Variants in ATXN2 observed in about 807,000 individuals in gnomAD.
The protein encoded by ATXN2 is ataxin 2, also known as ataxin-2.
Under a neutral mutation model 138.6 loss-of-function variants are expected in ATXN2, and 37 were observed. The observed-to-expected ratio is 0.27, with a 90% confidence interval of 0.21 to 0.35. The LOEUF is 0.35. Among genes scored for constraint, ATXN2 ranks in the 10% least tolerant of loss-of-function variants. The probability of loss-of-function intolerance (pLI) is 1.00; values close to 1 mark genes in which losing one functional copy is unlikely to be tolerated. For missense variants in ATXN2, 1,216 were observed against 1,480.3 expected (o/e 0.82, Z 2.93); for synonymous variants, 549 against 543.7 (o/e 1.01, Z -0.13).
Position 111,453,199 on chromosome 12 carries a change from A to G in ATXN2, c.3440-359T>C. On this transcript the variant is annotated intron_variant, in intron 24 of 24. Transcript: ENST00000673436. This position sits in a 1 kb window ranked among gnomAD's most constrained non-coding sequence, Gnocchi z 5.4. ...TGGCAGCCATCAAGTAGTAGAGCAC[A>G]ATCACAGGGCGCTCTCCCCTGTTCA... 1 of 1,104,132 alleles carries G rather than the reference A, an allele frequency of 9.1e-7. No homozygotes were observed. Among genetic ancestry groups the G allele is most frequent in the Non-Finnish European group, 1.1e-6 (1 of 905,556 alleles). The allele number at this position is 1,104,132 out of a possible 1,614,324, so 68.4% of individuals were successfully genotyped here. A position where few individuals can be genotyped will look rare whatever the true frequency, so the allele number is the denominator to read the frequency against.
At chr12:111,490,046 T>TA (rs149496582) in intron 14 of ATXN2, among the ~76,000 whole-genome samples, 29,711 of 142,896 alleles carry the variant, frequency 0.21, 3,010 homozygotes, top group East Asian at 0.33. Context: ...CTACTAAAGA[T>TA]AAAAAAAAAA....
intron 18 of ATXN2, among the ~76,000 whole-genome samples, chr12:111,475,408 A>T (rs1443442963): frequency 2.0e-5 from 3 of 150,696 alleles, no homozygotes; most frequent in Non-Finnish European, 3.0e-5. Context: ...ACTTCAACAT[A>T]TAAACAAATC....
intron 18 of ATXN2, among the ~76,000 whole-genome samples, chr12:111,478,078 G>C (rs1876949234): frequency 6.6e-6 from 1 of 151,818 alleles, no homozygotes; most frequent in Non-Finnish European, 1.5e-5. Context: ...TTACAGGCGT[G>C]AGCCAGTGCA....
At chr12:111,495,566 A>G (rs747697115) in intron 14 of ATXN2, among the ~76,000 whole-genome samples, 9 of 152,202 alleles carry the variant, frequency 5.9e-5, no homozygotes, top group Non-Finnish European at 1.3e-4. Flanking sequence ...TACATATGCA[A>G]CCAATACTGG....
intron 18 of ATXN2, among the ~76,000 whole-genome samples, chr12:111,473,243 C>T (rs1876542346): frequency 2.0e-5 from 3 of 150,604 alleles, no homozygotes; most frequent in Non-Finnish European, 2.9e-5. Context: ...CACTGCACTC[C>T]AGCCTAGGTA....
At chr12:111,553,079 A>G (rs1882202726) in intron 3 of ATXN2, 102 bp from the exon 4 acceptor site, 1 of 625,398 alleles carries the variant, frequency 1.6e-6, no homozygotes, top group Non-Finnish European at 2.6e-6. Flanking sequence ...GCTTCATTCA[A>G]TATTAGGTAT....
At chr12:111,500,240 G>A (rs191927179) in intron 14 of ATXN2, among the ~76,000 whole-genome samples, 1 of 152,224 alleles carries the variant, frequency 6.6e-6, no homozygotes, top group Admixed American at 6.5e-5. Flanking sequence ...AATGGAGAAA[G>A]AAAATGTGGT....
intron 5 of ATXN2, among the ~76,000 whole-genome samples, chr12:111,526,411 T>C (rs1227620420): frequency 3.1e-5 from 3 of 96,086 alleles, no homozygotes; most frequent in Admixed American, 2.9e-4. Context: ...CTCTTTTTTT[T>C]TTTTTCTTTT....
chr12:111,540,493 T>C (rs1022364111), intron 5 of ATXN2, among the ~76,000 whole-genome samples: 2 of 150,716 alleles, frequency 1.3e-5, no homozygotes, highest in East Asian at 1.9e-4. Flanking sequence ...CGCAAGCTGA[T>C]AGACAATCAT....
At chr12:111,473,838 AG>A (rs1246985353) in intron 18 of ATXN2, among the ~76,000 whole-genome samples, 1 of 152,198 alleles carries the variant, frequency 6.6e-6, no homozygotes, top group African/African-American at 2.4e-5. Context: ...AGGGGACAGA[AG>A]TCTACTTTAA....
chr12:111,561,371 A>T (rs1389378910), intron 1 of ATXN2, among the ~76,000 whole-genome samples: 3 of 151,308 alleles, frequency 2.0e-5, no homozygotes, highest in Non-Finnish European at 4.4e-5. Flanking sequence ...GCAGGCGCCT[A>T]TAATCCCAAC....
At chr12:111,492,131 C>CTTG (rs1460011506) in intron 14 of ATXN2, among the ~76,000 whole-genome samples, 2 of 152,104 alleles carry the variant, frequency 1.3e-5, no homozygotes, top group African/African-American at 4.8e-5. Flanking sequence ...CATGGCAGTG[C>CTTG]TTGTGTCACC....
chr12:111,521,768 T>TG (rs1039635638), intron 6 of ATXN2, among the ~76,000 whole-genome samples: 2 of 151,806 alleles, frequency 1.3e-5, no homozygotes, highest in South Asian at 2.1e-4. Context: ...CTTTTTTTGG[T>TG]GGGGGGGAGC....
At position 111,554,168 on chromosome 12, in the gene ATXN2, G is replaced by T; in HGVS notation, c.338C>A (p.Thr113Lys). ...YANMRMVHIL[T>K]SVVGSKCEVQ... The stretch of plus-strand genomic sequence containing the variant: ...AATCTAATAACTTACAACAACTGAT[G>T]TAAGTATATGAACCATCCTCATATT... The change falls in exon 3 of 25, where the codon ACA (threonine) becomes AAA (lysine). Residue 113 changes from threonine (T) to lysine (K), a missense_variant. Transcript: ENST00000673436. 6.7e-7 allele frequency: 1 copy of T among 1,488,534 alleles called. No homozygotes were observed. The highest frequency in any genetic ancestry group is 9.0e-7 in the Non-Finnish European group (1 of 1,106,702). 92.2% of individuals were successfully genotyped at this position (1,488,534 alleles called of 1,614,324 possible). A position where few individuals can be genotyped will look rare whatever the true frequency, so the allele number is the denominator to read the frequency against.
At chr12:111,537,858 G>C (rs937059289) in intron 5 of ATXN2, among the ~76,000 whole-genome samples, 4 of 152,148 alleles carry the variant, frequency 2.6e-5, no homozygotes, top group African/African-American at 9.6e-5. Context: ...CACTTTGGGA[G>C]GCTGGGGCAG....
chr12:111,552,092 GC>G lies in ATXN2; in HGVS notation c.571+187del, dbSNP rs1387297530. Among the ~76,000 whole-genome samples, 3 of 151,892 alleles carry G rather than the reference GC, an allele frequency of 2.0e-5. No homozygotes were observed. Among genetic ancestry groups the G allele is most frequent in the Non-Finnish European group, 2.9e-5 (2 of 67,994 alleles). ...GACGGGGTTTCGCCATGTTGGCCAG[GC>G]TGGTCTCGAACTCCTGACCTCAGGT... On this transcript the variant is annotated intron_variant, in intron 5 of 24. Transcript: ENST00000673436. This position sits in a 1 kb window ranked among gnomAD's most constrained non-coding sequence, Gnocchi z 4.1.
intron 5 of ATXN2, among the ~76,000 whole-genome samples, chr12:111,540,134 A>G (rs1022187014): frequency 2.1e-5 from 3 of 146,202 alleles, no homozygotes; most frequent in Non-Finnish European, 4.5e-5. Flanking sequence ...TGAAATAGAA[A>G]TAGAACAAAA....
Position 111,510,534 on chromosome 12 carries a change from T to C in ATXN2, c.1607A>G (p.Asn536Ser), listed in dbSNP as rs753718119. The C allele has an allele frequency of 6.2e-7, 1 of 1,614,038 alleles. No individual in the cohort carries two copies. The highest frequency in any genetic ancestry group is 1.7e-5 in the Admixed American group (1 of 60,012). Residue 536 changes from asparagine to serine, a missense_variant, in exon 12 of 25, where the codon AAC (asparagine) becomes AGC (serine). By Grantham distance (46) the Asn-to-Ser change is conservative (BLOSUM62 1). Coordinates refer to ENST00000673436, the MANE Select transcript of ATXN2 (RefSeq NM_001372574.1). ...CCCACTGGGGGTATTTCCAATACTG[T>C]TCTGTCTGGGAGACCTGGGTCTATG... is the stretch of plus-strand genomic sequence containing the variant. ...KTHRPRSPRQNSIGNTPSGPV... is the reference protein window; with the variant it reads ...KTHRPRSPRQSSIGNTPSGPV...
In ATXN2 at chr12:111,516,338, T is replaced by C. The variant is rs200018584; in HGVS notation, c.1191A>G (p.Pro397=). The part of the protein sequence containing the change: ...NGGVPWPSPC[P]SPSSRPPSRY... ...GAGAAGGTGGGCGAGAGGAAGGAGA[T>C]GGGCAAGGCGATGGCCAGGGAACAC... is the stretch of plus-strand genomic sequence containing the variant. The change falls in exon 10 of 25, where the codon CCA becomes CCG. Residue 397 remains proline, a synonymous_variant. Transcript: ENST00000673436. This position sits in a 1 kb window ranked among gnomAD's most constrained non-coding sequence, Gnocchi z 5.0. 8 of 1,582,950 alleles carry C rather than the reference T, an allele frequency of 5.1e-6. No homozygotes were observed. In the African/African-American group the frequency reaches 5.5e-5, roughly 11 times the overall value.
Sources: allele counts gnomAD v4.1 joint callset (sites outside exome capture counted in the v4.1 genomes callset), GRCh38; gene constraint gnomAD v4.1.1; non-coding constraint Gnocchi (gnomAD v3.1); transcripts MANE v1.5; gene names NCBI Gene and HGNC (gene_info 2026-07-23, HGNC 2026-07-21).